ERC2: variants seen among roughly 807,000 people sequenced by gnomAD.
The protein encoded by ERC2 is ERC protein 2.
Under a neutral mutation model 114.8 loss-of-function variants are expected in ERC2, and 42 were observed. The observed-to-expected ratio is 0.37, with a 90% CI of 0.29 to 0.47. The LOEUF is 0.47. Among genes scored for constraint, ERC2 ranks in the 20% least tolerant of loss-of-function variants. The probability of loss-of-function intolerance (pLI) is 0.99; values close to 1 mark genes in which losing one functional copy is unlikely to be tolerated. For synonymous variants in ERC2, 454 were observed against 425.5 expected, an observed-to-expected ratio of 1.07 and a Z score of -0.82; for missense variants, 939 against 1,150.7, an observed-to-expected ratio of 0.82 and a Z score of 2.66.
At chr3:55,983,102 G>C (rs533923753) in intron 12 of ERC2, among the ~76,000 whole-genome samples, 1 of 152,256 alleles carries the variant, frequency 6.6e-6, no homozygotes, top group East Asian at 1.9e-4. Flanking sequence ...TCCAAAGATG[G>C]CTCCCTCTTC....
At chr3:56,061,418 T>C (rs1210664192) in intron 7 of ERC2, among the ~76,000 whole-genome samples, 2 of 152,224 alleles carry the variant, frequency 1.3e-5, no homozygotes, top group Non-Finnish European at 2.9e-5. Context: ...GACACTGCAA[T>C]TGGGAGACTT....
chr3:55,553,735 G>A (rs1401985126), intron 17 of ERC2, among the ~76,000 whole-genome samples: 4 of 151,940 alleles, frequency 2.6e-5, no homozygotes, highest in Admixed American at 6.6e-5. Context: ...AGTCAAGATC[G>A]CGCCACTGCT....
chr3:55,575,800 C>G (rs548377427), intron 17 of ERC2, among the ~76,000 whole-genome samples: 1 of 152,290 alleles, frequency 6.6e-6, no homozygotes, highest in South Asian at 2.1e-4. Flanking sequence ...ACCAGAGTAG[C>G]AAGAGCAGTC....
intron 4 of ERC2, among the ~76,000 whole-genome samples, chr3:56,168,263 G>A (rs1200422454): frequency 6.6e-6 from 1 of 152,194 alleles, no homozygotes; most frequent in African/African-American, 2.4e-5. Context: ...GCCCTTATGT[G>A]TGGTAGTGAT....
intron 6 of ERC2, among the ~76,000 whole-genome samples, chr3:56,128,030 C>T (rs73078455): frequency 2.0e-5 from 3 of 151,902 alleles, no homozygotes; most frequent in East Asian, 1.9e-4. Context: ...GAGCTGAGAT[C>T]GCCTGCACTC....
chr3:55,602,739 A>G (rs2058462966), intron 17 of ERC2, among the ~76,000 whole-genome samples: 1 of 152,058 alleles, frequency 6.6e-6, no homozygotes, highest in Admixed American at 6.6e-5. Context: ...CTAAGCCATC[A>G]GATGTTCATT....
intron 17 of ERC2, among the ~76,000 whole-genome samples, chr3:55,551,240 C>T (rs1324393819): frequency 6.6e-6 from 1 of 151,450 alleles, no homozygotes; most frequent in Non-Finnish European, 1.5e-5. Flanking sequence ...AGGAAATTGG[C>T]TGCTGGGCAC....
intron 2 of ERC2, among the ~76,000 whole-genome samples, chr3:56,419,380 A>G (rs2061299456): frequency 6.6e-6 from 1 of 152,226 alleles, no homozygotes; most frequent in African/African-American, 2.4e-5. Flanking sequence ...TCCTTAATGA[A>G]AATATTTAAA....
At chr3:56,067,995 AT>A (rs1448515771) in intron 7 of ERC2, among the ~76,000 whole-genome samples, 2 of 152,072 alleles carry the variant, frequency 1.3e-5, no homozygotes, top group Non-Finnish European at 2.9e-5. Context: ...ATTGGCCTGA[AT>A]TTTTTGTTGT....
intron 14 of ERC2, among the ~76,000 whole-genome samples, chr3:55,750,212 T>A (rs2148964642): frequency 6.6e-6 from 1 of 152,204 alleles, no homozygotes; most frequent in East Asian, 1.9e-4. Context: ...AAATAATAGT[T>A]TATTAACATC....
chr3:56,227,763 G>A (rs1575953468), intron 3 of ERC2, among the ~76,000 whole-genome samples: 1 of 152,232 alleles, frequency 6.6e-6, no homozygotes, highest in East Asian at 1.9e-4. Flanking sequence ...AAACTACTTT[G>A]TGCCCCAGAA....
intron 17 of ERC2, among the ~76,000 whole-genome samples, chr3:55,653,778 C>T (rs1337491325): frequency 1.3e-5 from 2 of 152,186 alleles, no homozygotes; most frequent in Non-Finnish European, 2.9e-5. Flanking sequence ...GTGTTCCCAG[C>T]CAGCTGTCCC....
intron 2 of ERC2, among the ~76,000 whole-genome samples, chr3:56,385,550 A>G (rs1463306319): frequency 1.3e-5 from 2 of 152,226 alleles, no homozygotes; most frequent in African/African-American, 4.8e-5. Context: ...AAAACGGAAC[A>G]TGATATGTGT....
intron 6 of ERC2, among the ~76,000 whole-genome samples, chr3:56,107,587 G>A (rs1186459099): frequency 6.6e-6 from 1 of 151,982 alleles, no homozygotes; most frequent in Non-Finnish European, 1.5e-5. Flanking sequence ...AAATGTGCAG[G>A]CAACCACAAG....
chr3:56,052,377 G>A (rs760641406), intron 7 of ERC2, among the ~76,000 whole-genome samples: 3 of 152,226 alleles, frequency 2.0e-5, no homozygotes, highest in African/African-American at 4.8e-5. Context: ...ATGCTAATGC[G>A]CAGGGTCAGC....
chr3:56,037,162 A>C (rs1005867405), intron 7 of ERC2, among the ~76,000 whole-genome samples: 7 of 152,192 alleles, frequency 4.6e-5, no homozygotes, highest in African/African-American at 1.7e-4. Flanking sequence ...TGATTGCAAT[A>C]CATCTCCAGC....
intron 6 of ERC2, among the ~76,000 whole-genome samples, chr3:56,087,677 C>G (rs1025694908): frequency 2.0e-5 from 3 of 152,080 alleles, no homozygotes; most frequent in African/African-American, 7.2e-5. Flanking sequence ...GACAACGCTT[C>G]AAGAATTGAA....
intron 14 of ERC2, among the ~76,000 whole-genome samples, chr3:55,840,017 TA>T: frequency 6.6e-6 from 1 of 152,110 alleles, no homozygotes; most frequent in South Asian, 2.1e-4. Flanking sequence ...TAACACTAAT[TA>T]ATCAAAAGAA....
intron 17 of ERC2, among the ~76,000 whole-genome samples, chr3:55,674,805 TG>T (rs1280018936): frequency 6.6e-6 from 1 of 152,176 alleles, no homozygotes; most frequent in South Asian, 2.1e-4. Context: ...AGGAAATGTT[TG>T]GGGACTGGCA....
Sources: allele counts gnomAD v4.1 joint callset (sites outside exome capture counted in the v4.1 genomes callset), GRCh38; gene constraint gnomAD v4.1.1; transcripts MANE v1.5; gene names NCBI Gene and HGNC (gene_info 2026-07-23, HGNC 2026-07-21).